The following CDH12 variants were observed in gnomAD, a reference collection of about 807,000 sequenced individuals.
CDH12 encodes the protein cadherin 12.
In CDH12, 41 loss-of-function variants were observed where a neutral mutation model predicts 74.1. That is an observed-to-expected ratio of 0.55 (90% CI 0.43 to 0.72). CDH12 has a LOEUF of 0.72. CDH12 is among the 30% of genes least tolerant of loss of function. The pLI is 0.00. For synonymous variants in CDH12, 399 were observed against 355.0 expected (o/e 1.12, Z -1.39); for missense variants, 945 against 977.2 (o/e 0.97, Z 0.44).
At position 22,637,376 on chromosome 5, in the gene CDH12, C is replaced by G. The variant is rs1035610498; in HGVS notation, c.-522-132012G>C. On this transcript the variant is annotated intron_variant, in intron 1 of 14. Transcript: ENST00000382254. ...TCCAGGCAATAGTAACTATCCACTT[C>G]CCTTTCAGCAGCTACAAGGTAACCC... 2.0e-5 allele frequency among the ~76,000 whole-genome samples: 3 copies of G among 152,188 alleles called. No homozygotes were observed. In the South Asian group the frequency reaches 6.2e-4, roughly 31 times the overall value.
intron 10 of CDH12, among the ~76,000 whole-genome samples, chr5:21,801,862 A>AGGTTAT (rs1052826145): frequency 6.6e-6 from 1 of 152,182 alleles, no homozygotes; most frequent in Non-Finnish European, 1.5e-5. Flanking sequence ...ATTCTCTAAA[A>AGGTTAT]GGTTATGTTA....
At chr5:22,818,562 T>C (rs1455473447) in intron 1 of CDH12, among the ~76,000 whole-genome samples, 3 of 152,154 alleles carry the variant, frequency 2.0e-5, no homozygotes, top group Non-Finnish European at 4.4e-5. Context: ...GGACAAGCAA[T>C]GACATCATTT....
chr5:22,357,240 G>A (rs943335222), intron 3 of CDH12, among the ~76,000 whole-genome samples: 1 of 152,084 alleles, frequency 6.6e-6, no homozygotes, highest in Non-Finnish European at 1.5e-5. Flanking sequence ...CATGAGAGAT[G>A]TGTGTATTAT....
At chr5:22,026,602 T>C (rs909217271) in intron 5 of CDH12, among the ~76,000 whole-genome samples, 4 of 152,168 alleles carry the variant, frequency 2.6e-5, no homozygotes, top group African/African-American at 9.6e-5. Flanking sequence ...TATGCTTTCA[T>C]TATGCTTCTA....
At chr5:22,678,170 T>G (rs556873882) in intron 1 of CDH12, among the ~76,000 whole-genome samples, 66 of 152,128 alleles carry the variant, frequency 4.3e-4, no homozygotes, top group Admixed American at 1.4e-3. Context: ...ATCTACAAAT[T>G]TAGAAAAATC....
intron 6 of CDH12, among the ~76,000 whole-genome samples, chr5:21,897,996 T>G (rs189722387): frequency 1.3e-5 from 2 of 152,278 alleles, no homozygotes; most frequent in East Asian, 1.9e-4. Context: ...ATATGCCACT[T>G]AATATTTCTG....
chr5:22,445,753 C>A (rs899265071), intron 2 of CDH12, among the ~76,000 whole-genome samples: 4 of 152,064 alleles, frequency 2.6e-5, no homozygotes, highest in Non-Finnish European at 5.9e-5. Context: ...CAGCAGGGCA[C>A]CCTGTGGGCA....
At chr5:22,206,016 C>G (rs1051298706) in intron 4 of CDH12, among the ~76,000 whole-genome samples, 1 of 151,762 alleles carries the variant, frequency 6.6e-6, no homozygotes, top group African/African-American at 2.4e-5. Flanking sequence ...ATACATATTT[C>G]TCAATTTTGA....
chr5:22,639,709 T>A (rs1278827140), intron 1 of CDH12, among the ~76,000 whole-genome samples: 3 of 152,134 alleles, frequency 2.0e-5, no homozygotes, highest in Non-Finnish European at 4.4e-5. Context: ...TAAACTCAGT[T>A]TGCTGATTCT....
chr5:22,640,179 A>G (rs1739072157), intron 1 of CDH12, among the ~76,000 whole-genome samples: 1 of 152,112 alleles, frequency 6.6e-6, no homozygotes, highest in African/African-American at 2.4e-5. Context: ...CCTGAAGTTC[A>G]TGATAGTTTT....
Position 22,519,424 on chromosome 5 carries a change from CTTT to C in CDH12, c.-522-14063_-522-14061del, listed in dbSNP as rs373678915. On this transcript the variant is annotated intron_variant, in intron 1 of 14. Coordinates refer to ENST00000382254, the MANE Select transcript of CDH12 (RefSeq NM_004061.5). ...TTACAGACAACTCCGTATCCACACTCTTTTTTTTTTTTTTTTTGAGATGGAGTC... is the reference window on the plus strand; with the variant it reads ...TTACAGACAACTCCGTATCCACACTCTTTTTTTTTTTTTTGAGATGGAGTC... Among the ~76,000 whole-genome samples, 285 of 140,698 alleles carry C rather than the reference CTTT, an allele frequency of 2.0e-3. 1 individual carries two copies. The highest frequency in any genetic ancestry group is 6.3e-3 in the African/African-American group (240 of 38,314). The allele number at this position is 140,698 out of a possible 152,430, so 92.3% of individuals were successfully genotyped here. A position where few individuals can be genotyped will look rare whatever the true frequency, so the allele number is the denominator to read the frequency against.
At chr5:22,603,189 T>C (rs1561521711) in intron 1 of CDH12, among the ~76,000 whole-genome samples, 1 of 151,514 alleles carries the variant, frequency 6.6e-6, no homozygotes, top group Non-Finnish European at 1.5e-5. Flanking sequence ...AAACCATAAA[T>C]CTCTCATAGA....
chr5:22,436,758 G>A (rs1039348218), intron 2 of CDH12, among the ~76,000 whole-genome samples: 4 of 152,080 alleles, frequency 2.6e-5, no homozygotes, highest in Admixed American at 1.3e-4. Context: ...TAGCAAAATA[G>A]TTCAACTCTA....
chr5:22,301,235 T>C (rs1446319725), intron 3 of CDH12, among the ~76,000 whole-genome samples: 1 of 152,180 alleles, frequency 6.6e-6, no homozygotes, highest in Non-Finnish European at 1.5e-5. Context: ...ATGTAAAATA[T>C]TGCCCTTGTT....
At chr5:21,773,711 T>TATTCATCTACTAAGGA (rs372764388) in intron 11 of CDH12, among the ~76,000 whole-genome samples, 1 of 152,158 alleles carries the variant, frequency 6.6e-6, no homozygotes, top group Non-Finnish European at 1.5e-5. Context: ...CCCCTTCAGA[T>TATTCATCTACTAAGGA]ATTCATCTAC....
chr5:22,734,122 G>T (rs1744567850), intron 1 of CDH12, among the ~76,000 whole-genome samples: 1 of 151,942 alleles, frequency 6.6e-6, no homozygotes. Context: ...ATGTAAAATG[G>T]ATCTGATTCT....
intron 6 of CDH12, among the ~76,000 whole-genome samples, chr5:21,907,889 CA>C (rs1209789007): frequency 6.6e-6 from 1 of 152,162 alleles, no homozygotes; most frequent in Non-Finnish European, 1.5e-5. Flanking sequence ...TTAAAATGGA[CA>C]TAATAATTGG....
intron 3 of CDH12, among the ~76,000 whole-genome samples, chr5:22,215,223 T>TA (rs1291014041): frequency 6.6e-6 from 1 of 152,152 alleles, no homozygotes; most frequent in Non-Finnish European, 1.5e-5. Flanking sequence ...AACCCACCAC[T>TA]AAAAGTCAGG....
chr5:22,553,454 C>CTGTA (rs1478534934), intron 1 of CDH12, among the ~76,000 whole-genome samples: 1 of 151,960 alleles, frequency 6.6e-6, no homozygotes, highest in Non-Finnish European at 1.5e-5. Flanking sequence ...CATCCCTAGG[C>CTGTA]TGTAGCACTC....
Sources: allele counts gnomAD v4.1 joint callset (sites outside exome capture counted in the v4.1 genomes callset), GRCh38; gene constraint gnomAD v4.1.1; transcripts MANE v1.5; gene names NCBI Gene and HGNC (gene_info 2026-07-23, HGNC 2026-07-21).